Variants in FBXO42 observed in about 807,000 individuals in gnomAD.
FBXO42 encodes F-box protein 42.
A neutral mutation model predicts 71.7 loss-of-function variants in FBXO42; 12 were observed. That is an observed-to-expected ratio of 0.17 (90% CI 0.11 to 0.27). The LOEUF (loss-of-function observed/expected upper bound fraction) is 0.27. Ranked by LOEUF, FBXO42 falls within the 10% of genes least tolerant of loss-of-function variation. The pLI, the probability that FBXO42 is intolerant of heterozygous loss-of-function variation, is 1.00. For synonymous variants in FBXO42, 325 were observed against 327.5 expected, an observed-to-expected ratio of 0.99 and a Z score of 0.08; for missense variants, 707 against 911.9, an observed-to-expected ratio of 0.78 and a Z score of 2.89.
chr1:16,253,505 G>C (rs868750617), intron 7 of FBXO42, 130 bp downstream of exon 7: 26 of 735,992 alleles, frequency 3.5e-5, no homozygotes, highest in Admixed American at 5.9e-5. Flanking sequence ...ATAAATACCA[G>C]TAAAAAAGAA....
chr1:16,250,976 G>A lies in FBXO42; in HGVS notation c.1848C>T (p.Pro616=). 2 of 1,614,212 alleles carry A rather than the reference G, an allele frequency of 1.2e-6. No homozygotes were observed. The highest frequency in any genetic ancestry group is 2.7e-5 in the African/African-American group (2 of 75,046). Residue 616 remains proline (P), a synonymous_variant, in exon 10 of 10, where the codon CCC becomes CCT. Transcript: ENST00000375592. This position sits in a 1 kb window ranked among gnomAD's most constrained non-coding sequence, Gnocchi z 4.7. ...PAQGDGHSLP[P]IARRLGHHPP... ...GGTGGTGGCCCAGGCGGCGAGCAAT[G>A]GGAGGTAAGGAATGTCCATCTCCTT...
rs2082110641 is a variant in FBXO42, at chr1:16,294,628, G to A, written c.502+155C>T. The A allele has an allele frequency of 1.8e-5, 13 of 718,660 alleles. No individual in the cohort carries two copies. The South Asian group carries it at 2.8e-4, about 15-fold the overall frequency. The allele number at this position is 718,660 out of a possible 1,614,324, so 44.5% of individuals were successfully genotyped here. A position where few individuals can be genotyped will look rare whatever the true frequency, so the allele number is the denominator to read the frequency against. On this transcript the variant is annotated intron_variant, in intron 4 of 9. Transcript: ENST00000375592. ...TAACAAAAAACAAAGACTTACACAA[G>A]CATATTACTATTATCATTTACATGG...
At chr1:16,260,616 C>T (rs1042028696) in intron 4 of FBXO42, among the ~76,000 whole-genome samples, 14 of 152,202 alleles carry the variant, frequency 9.2e-5, no homozygotes, top group Non-Finnish European at 1.8e-4. Context: ...GAGGGCACAA[C>T]TCTTTAAATA....
At chr1:16,298,079 G>A (rs2082150464) in intron 3 of FBXO42, among the ~76,000 whole-genome samples, 1 of 151,716 alleles carries the variant, frequency 6.6e-6, no homozygotes, top group Non-Finnish European at 1.5e-5. Flanking sequence ...ACAAAAATTG[G>A]TCTGGCATGG....
At chr1:16,289,399 T>C (rs984893335) in intron 4 of FBXO42, among the ~76,000 whole-genome samples, 1 of 144,468 alleles carries the variant, frequency 6.9e-6, no homozygotes, top group Non-Finnish European at 1.6e-5. Flanking sequence ...GGGAGCAAGA[T>C]TGTCTCTTTA....
intron 2 of FBXO42, among the ~76,000 whole-genome samples, chr1:16,313,605 C>A (rs1193616360): frequency 1.3e-5 from 2 of 152,134 alleles, no homozygotes; most frequent in African/African-American, 4.8e-5. Flanking sequence ...AGCACAGGGC[C>A]AACAGAGCAG....
chr1:16,283,746 T>C (rs1321037316), intron 4 of FBXO42, among the ~76,000 whole-genome samples: 2 of 152,020 alleles, frequency 1.3e-5, no homozygotes, highest in Admixed American at 1.3e-4. Context: ...CCACCTGCCT[T>C]GGCCTCCCAA....
At chr1:16,327,013 T>C (rs1432404488) in intron 1 of FBXO42, among the ~76,000 whole-genome samples, 2 of 152,204 alleles carry the variant, frequency 1.3e-5, no homozygotes, top group African/African-American at 2.4e-5. Context: ...TCTCTCTCTA[T>C]GACCCACTTC....
At chr1:16,321,693 G>GT (rs143212893) in intron 1 of FBXO42, among the ~76,000 whole-genome samples, 2,615 of 143,532 alleles carry the variant, frequency 0.018, 59 homozygotes, top group African/African-American at 0.053. Flanking sequence ...GCTCGCAAGG[G>GT]TTTTTTTTTT....
At chr1:16,282,124 G>C (rs2081970425) in intron 4 of FBXO42, among the ~76,000 whole-genome samples, 1 of 152,162 alleles carries the variant, frequency 6.6e-6, no homozygotes, top group Non-Finnish European at 1.5e-5. Flanking sequence ...ATAACACTGA[G>C]AGAGCTCACA....
Position 16,251,315 on chromosome 1 carries a change from A to G in FBXO42, c.1509T>C (p.Asn503=), listed in dbSNP as rs2081589060. The change falls in exon 10 of 10, where the codon AAT becomes AAC. Residue 503 remains asparagine, a synonymous_variant. Transcript: ENST00000375592. This position sits in a 1 kb window ranked among gnomAD's most constrained non-coding sequence, Gnocchi z 4.5. The part of the protein sequence containing the change: ...KDLRLGSIDL[N]WDLKPASSSN... ...TACTGGAAGCGGGTTTCAGATCCCA[A>G]TTCAGATCTATGGATCCTAATCTCA... The G allele has an allele frequency of 1.2e-6, 2 of 1,614,224 alleles. No homozygotes were observed. Among genetic ancestry groups the G allele is most frequent in the Non-Finnish European group, 1.7e-6 (2 of 1,180,034 alleles).
intron 4 of FBXO42, among the ~76,000 whole-genome samples, chr1:16,262,145 C>A (rs949326601): frequency 6.6e-6 from 1 of 152,036 alleles, no homozygotes. Flanking sequence ...CTCCTACTTC[C>A]ATTATTTCTA....
Position 16,250,756 on chromosome 1 carries a change from T to C in FBXO42, c.2068A>G (p.Ile690Val), listed in dbSNP as rs1381065035. ...TTCTTGTCCATGAGTCCTCCAAATA[T>C]GATGAGTTCACCCCTGCCTTGTACC... ...TVVQGRGELI[I>V]FGGLMDKKQN... Residue 690 changes from isoleucine to valine, a missense_variant, in exon 10 of 10, where the codon ATA (isoleucine) becomes GTA (valine). Physicochemically the swap from Ile to Val is conservative, Grantham distance 29. Coordinates refer to ENST00000375592, the MANE Select transcript of FBXO42 (RefSeq NM_018994.3). This position sits in a 1 kb window ranked among gnomAD's most constrained non-coding sequence, Gnocchi z 4.7. The C allele has an allele frequency of 5.6e-6, 9 of 1,614,182 alleles. No homozygotes were observed. Among genetic ancestry groups the C allele is most frequent in the Non-Finnish European group, 7.6e-6 (9 of 1,180,028 alleles).
chr1:16,285,006 C>T (rs945434733), intron 4 of FBXO42, among the ~76,000 whole-genome samples: 2 of 130,286 alleles, frequency 1.5e-5, no homozygotes, highest in South Asian at 2.3e-4. Flanking sequence ...GTTAGCCGGG[C>T]GTGGTGGCAC....
rs974382471 is a variant in FBXO42, at chr1:16,321,687, G to A, written c.-17-6252C>T. ...CTCAGAACACCTTTGTGCTGAGCTCGCAAGGGTTTTTTTTTTTTTTTTAAA... is the reference window on the plus strand; with the variant it reads ...CTCAGAACACCTTTGTGCTGAGCTCACAAGGGTTTTTTTTTTTTTTTTAAA... On this transcript the variant is annotated intron_variant, in intron 1 of 9. Coordinates refer to ENST00000375592, the MANE Select transcript of FBXO42 (RefSeq NM_018994.3). 5.7e-5 allele frequency among the ~76,000 whole-genome samples: 8 copies of A among 141,544 alleles called. 1 individual carries two copies. Among genetic ancestry groups the A allele is most frequent in the African/African-American group, 1.9e-4 (7 of 37,548 alleles). 92.9% of individuals were successfully genotyped at this position (141,544 alleles called of 152,430 possible).
At chr1:16,277,089 A>G (rs972348672) in intron 4 of FBXO42, among the ~76,000 whole-genome samples, 1 of 152,210 alleles carries the variant, frequency 6.6e-6, no homozygotes, top group Non-Finnish European at 1.5e-5. Context: ...TGTGAGTAGA[A>G]CTGGATTGTC....
intron 1 of FBXO42, among the ~76,000 whole-genome samples, chr1:16,334,420 A>C (rs958292558): frequency 3.4e-5 from 4 of 118,346 alleles, no homozygotes; most frequent in Non-Finnish European, 7.5e-5. Context: ...CTCCGCCTCA[A>C]AAAAAAAAAA....
At position 16,251,218 on chromosome 1, in the gene FBXO42, C is replaced by G; in HGVS notation, c.1606G>C (p.Gly536Arg). The stretch of plus-strand genomic sequence containing the variant: ...GCCACGTGAGGTGGGGTATGCACAC[C>G]ATTTGTCTGTTCAGGAGGGTGTCTC... ...SMRHPPEQTNGVHTPPHVASA... is the reference protein window; with the variant it reads ...SMRHPPEQTNRVHTPPHVASA... Residue 536 changes from glycine (G) to arginine (R), a missense_variant, in exon 10 of 10, where the codon GGT (glycine) becomes CGT (arginine). Physicochemically the swap from Gly to Arg is moderately radical, Grantham distance 125 (BLOSUM62 -2). Coordinates refer to ENST00000375592, the MANE Select transcript of FBXO42 (RefSeq NM_018994.3). The surrounding 1 kb of genome is among the most constrained non-coding windows in gnomAD (Gnocchi z 4.5). The G allele has an allele frequency of 6.2e-7, 1 of 1,614,170 alleles. No individual in the cohort carries two copies. The highest frequency in any genetic ancestry group is 8.5e-7 in the Non-Finnish European group (1 of 1,180,026).
At chr1:16,300,893 CTTTT>C (rs34549210) in intron 3 of FBXO42, among the ~76,000 whole-genome samples, 2 of 100,892 alleles carry the variant, frequency 2.0e-5, no homozygotes, top group African/African-American at 4.1e-5. Flanking sequence ...TAGAATTGGC[CTTTT>C]TTTTTTTTTT....
Sources: allele counts gnomAD v4.1 joint callset (sites outside exome capture counted in the v4.1 genomes callset), GRCh38; gene constraint gnomAD v4.1.1; non-coding constraint Gnocchi (gnomAD v3.1); transcripts MANE v1.5; gene names NCBI Gene and HGNC (gene_info 2026-07-23, HGNC 2026-07-21).